Variants in PDZD2 observed in about 807,000 individuals in gnomAD.
The protein encoded by PDZD2 is PDZ domain containing 2, also known as PDZ domain-containing protein 2.
A neutral mutation model predicts 220.7 loss-of-function variants in PDZD2; 90 were observed. That is an observed-to-expected ratio of 0.41 (90% CI 0.34 to 0.49). The LOEUF (loss-of-function observed/expected upper bound fraction) is 0.49. PDZD2 is among the 20% of genes least tolerant of loss of function. The pLI, the probability that PDZD2 is intolerant of heterozygous loss-of-function variation, is 0.28. For synonymous variants in PDZD2, 1,375 were observed against 1,450.5 expected (o/e 0.95, Z 1.18); for missense variants, 3,174 against 3,608.5 (o/e 0.88, Z 3.08).
chr5:31,790,691 ATTTTTTTT>A (rs869296191), intron 1 of PDZD2, among the ~76,000 whole-genome samples: 46 of 75,512 alleles, frequency 6.1e-4, no homozygotes, highest in African/African-American at 1.9e-3. Flanking sequence ...TATCTCTCTA[ATTTTTTTT>A]TTTTTTTTTT....
chr5:32,087,871 G>C lies in PDZD2; in HGVS notation c.4423G>C (p.Val1475Leu). Reference protein sequence around the residue: ...GGGSSCRAEPVPGGQTSSPRR... With the variant: ...GGGSSCRAEPLPGGQTSSPRR... ...TGGGAGCTCCTGCCGTGCCGAACCAGTCCCGGGGGGCCAGACCTCCTCCCC... is the reference window on the plus strand; with the variant it reads ...TGGGAGCTCCTGCCGTGCCGAACCACTCCCGGGGGGCCAGACCTCCTCCCC... The change falls in exon 20 of 25, where the codon GTC (valine) becomes CTC (leucine). Residue 1475 changes from valine to leucine, a missense_variant. Val to Leu is a conservative substitution (Grantham distance 32, BLOSUM62 1). Transcript: ENST00000438447. This position sits in a 1 kb window ranked among gnomAD's most constrained non-coding sequence, Gnocchi z 4.0. The C allele has an allele frequency of 6.2e-7, 1 of 1,612,422 alleles. No individual in the cohort carries two copies. Among genetic ancestry groups the C allele is most frequent in the Non-Finnish European group, 8.5e-7 (1 of 1,179,454 alleles).
In PDZD2 at chr5:31,807,912, C is replaced by T. The variant is rs903257783; in HGVS notation, c.476+8188C>T. ...CAGAAGTCACCTTCAGCACAGTACC[C>T]GCTGCCTTGAACTTGCATGTAAAAT... On this transcript the variant is annotated intron_variant, in intron 2 of 24. Coordinates refer to ENST00000438447, the MANE Select transcript of PDZD2 (RefSeq NM_178140.4). Among the ~76,000 whole-genome samples the T allele has an allele frequency of 3.9e-5, 6 of 152,234 alleles. No individual in the cohort carries two copies. The East Asian group carries it at 5.8e-4, about 15-fold the overall frequency.
At chr5:31,785,811 A>G (rs1259612908) in intron 1 of PDZD2, among the ~76,000 whole-genome samples, 1 of 151,816 alleles carries the variant, frequency 6.6e-6, no homozygotes, top group African/African-American at 2.4e-5. Flanking sequence ...ATCCAACCTC[A>G]TCATTTCCCC....
At chr5:31,920,995 C>T (rs1415062311) in intron 2 of PDZD2, among the ~76,000 whole-genome samples, 5 of 152,170 alleles carry the variant, frequency 3.3e-5, no homozygotes, top group African/African-American at 7.2e-5. Flanking sequence ...GCGTGTGCCG[C>T]GGTTTATCTA....
At chr5:31,999,343 C>T (rs1291140056) in intron 4 of PDZD2, among the ~76,000 whole-genome samples, 1 of 149,696 alleles carries the variant, frequency 6.7e-6, no homozygotes, top group Non-Finnish European at 1.5e-5. Flanking sequence ...GCTGGAGAGA[C>T]TCAAGGATGA....
intron 2 of PDZD2, among the ~76,000 whole-genome samples, chr5:31,834,915 GAT>G (rs1000672642): frequency 7.4e-6 from 1 of 135,520 alleles, no homozygotes; most frequent in African/African-American, 2.6e-5. Flanking sequence ...TATATAACTA[GAT>G]ATATATATAA....
intron 1 of PDZD2, among the ~76,000 whole-genome samples, chr5:31,789,837 G>T (rs1424285263): frequency 6.6e-6 from 1 of 152,102 alleles, no homozygotes; most frequent in African/African-American, 2.4e-5. Context: ...AAAATCACTT[G>T]AACCTGGAAG....
intron 2 of PDZD2, among the ~76,000 whole-genome samples, chr5:31,823,628 T>A (rs1478183201): frequency 6.6e-6 from 1 of 152,176 alleles, no homozygotes; most frequent in African/African-American, 2.4e-5. Context: ...AGTCCCTGAT[T>A]GGCAACTCAC....
At chr5:31,994,940 C>G (rs1751514021) in intron 3 of PDZD2, among the ~76,000 whole-genome samples, 1 of 152,088 alleles carries the variant, frequency 6.6e-6, no homozygotes, top group Non-Finnish European at 1.5e-5. Context: ...TACTAAATTC[C>G]CAATTTGGAG....
intron 1 of PDZD2, among the ~76,000 whole-genome samples, chr5:31,730,592 G>GTGTGTGT (rs3222598): frequency 2.5e-5 from 3 of 121,172 alleles, no homozygotes; most frequent in African/African-American, 9.3e-5. Context: ...GTGTGTGTGT[G>GTGTGTGT]GTGTGTGTGT....
intron 2 of PDZD2, among the ~76,000 whole-genome samples, chr5:31,873,755 A>C: frequency 7.0e-6 from 1 of 143,438 alleles, no homozygotes; most frequent in Non-Finnish European, 1.5e-5. Flanking sequence ...TTTTTGACAG[A>C]GTTCCGCTCT....
rs532648757 is a variant in PDZD2 at position 31,902,582 on chromosome 5, G to A, written c.477-80573G>A. On this transcript the variant is annotated intron_variant, in intron 2 of 24. Transcript: ENST00000438447. ...ACTGCAACCTCCTCCTCCCAGGTTT[G>A]AGCAATTCTCCAGCCTCAGCCTCCC... Among the ~76,000 whole-genome samples, 504 of 150,098 alleles carry A rather than the reference G, an allele frequency of 3.4e-3. 6 individuals carry two copies. The highest frequency in any genetic ancestry group is 0.012 in the African/African-American group (488 of 40,938).
chr5:32,001,467 A>G (rs1752097138), intron 5 of PDZD2, among the ~76,000 whole-genome samples: 1 of 152,064 alleles, frequency 6.6e-6, no homozygotes, highest in South Asian at 2.1e-4. Context: ...CGTGGCCACT[A>G]CCGTCTTGCA....
chr5:31,745,022 G>A (rs1162693163), intron 1 of PDZD2, among the ~76,000 whole-genome samples: 20 of 152,030 alleles, frequency 1.3e-4, no homozygotes, highest in Admixed American at 9.8e-4. Context: ...GCAGTGAGCC[G>A]AGATCGCGCC....
chr5:31,736,993 C>T (rs1749899381), intron 1 of PDZD2, among the ~76,000 whole-genome samples: 1 of 138,750 alleles, frequency 7.2e-6, no homozygotes. Context: ...GATGCCAGCA[C>T]TATGCTTCCT....
intron 2 of PDZD2, among the ~76,000 whole-genome samples, chr5:31,888,482 G>A (rs1207378612): frequency 6.6e-6 from 1 of 152,166 alleles, no homozygotes; most frequent in Non-Finnish European, 1.5e-5. Flanking sequence ...GTGAGCCACC[G>A]CACCCGGCCC....
intron 2 of PDZD2, among the ~76,000 whole-genome samples, chr5:31,889,131 T>C (rs1200153557): frequency 6.6e-6 from 1 of 152,182 alleles, no homozygotes; most frequent in Non-Finnish European, 1.5e-5. Context: ...TGCTATAAAG[T>C]TGCTATTTAA....
chr5:31,868,372 G>A (rs1738421749), intron 2 of PDZD2, among the ~76,000 whole-genome samples: 1 of 152,184 alleles, frequency 6.6e-6, no homozygotes, highest in Non-Finnish European at 1.5e-5. Context: ...TTGGGCCTGG[G>A]AGGTGGAGGT....
chr5:31,742,495 T>A (rs1345812225), intron 1 of PDZD2, among the ~76,000 whole-genome samples: 6 of 151,270 alleles, frequency 4.0e-5, no homozygotes, highest in Non-Finnish European at 7.4e-5. Context: ...CCCATCACTA[T>A]TAGGGGAACC....
Sources: allele counts gnomAD v4.1 joint callset (sites outside exome capture counted in the v4.1 genomes callset), GRCh38; gene constraint gnomAD v4.1.1; non-coding constraint Gnocchi (gnomAD v3.1); transcripts MANE v1.5; gene names NCBI Gene and HGNC (gene_info 2026-07-23, HGNC 2026-07-21).